FILIP1: variants seen among roughly 807,000 people sequenced by gnomAD.
The protein encoded by FILIP1 is filamin-A-interacting protein 1.
A neutral mutation model predicts 102.1 loss-of-function variants in FILIP1; 61 were observed. The ratio of observed to expected loss-of-function variants is 0.60; its 90% CI spans 0.49 to 0.74. The LOEUF is 0.74. FILIP1 is among the 30% of genes least tolerant of loss of function. The probability of loss-of-function intolerance (pLI) is 0.00; values close to 1 mark genes in which losing one functional copy is unlikely to be tolerated. For synonymous variants in FILIP1, 491 were observed against 526.9 expected, an observed-to-expected ratio of 0.93 and a Z score of 0.93; for missense variants, 1,314 against 1,441.2, an observed-to-expected ratio of 0.91 and a Z score of 1.43.
chr6:75,315,658 G>A (rs1773419653), intron 4 of FILIP1, among the ~76,000 whole-genome samples: 1 of 152,174 alleles, frequency 6.6e-6, no homozygotes, highest in Non-Finnish European at 1.5e-5. Context: ...TATGAGATAT[G>A]TATTGCTACT....
In FILIP1 at chr6:75,406,769, C is replaced by G. The variant is rs568221921; in HGVS notation, c.276+7928G>C. ...CCGCCTCCCAGGTTGAAGTGATTGT[C>G]CTGCCTCAGCCTCCTGAGTAGCTGG... On this transcript the variant is annotated intron_variant, in intron 2 of 5. Coordinates refer to ENST00000237172, the MANE Select transcript of FILIP1 (RefSeq NM_015687.5). Among the ~76,000 whole-genome samples, 3 of 150,468 alleles carry G rather than the reference C, an allele frequency of 2.0e-5. No individual in the cohort carries two copies. In the Admixed American group the frequency reaches 2.0e-4, roughly 10 times the overall value.
intron 1 of FILIP1, among the ~76,000 whole-genome samples, chr6:75,436,753 G>A (rs1309966470): frequency 6.6e-6 from 1 of 152,108 alleles, no homozygotes; most frequent in African/African-American, 2.4e-5. Context: ...AATGGACACT[G>A]GCAGAAATCC....
chr6:75,432,215 A>C (rs190489956), intron 1 of FILIP1, among the ~76,000 whole-genome samples: 1 of 152,366 alleles, frequency 6.6e-6, no homozygotes, highest in Admixed American at 6.5e-5. Context: ...AATCTTTGTC[A>C]CTTTAAAATT....
intron 1 of FILIP1, chr6:75,454,114 G>T: frequency 2.3e-6 from 1 of 430,756 alleles, no homozygotes. Flanking sequence ...GGTGTTTCAG[G>T]GATGCGTTCT....
intron 2 of FILIP1, among the ~76,000 whole-genome samples, chr6:75,372,434 AG>A (rs1301602765): frequency 6.6e-6 from 1 of 150,728 alleles, no homozygotes; most frequent in African/African-American, 2.4e-5. Flanking sequence ...ATGGCAAAAA[AG>A]AAAAAAAAAT....
chr6:75,330,218 A>T (rs1774027410), intron 4 of FILIP1, among the ~76,000 whole-genome samples: 1 of 152,178 alleles, frequency 6.6e-6, no homozygotes, highest in Non-Finnish European at 1.5e-5. Flanking sequence ...TAAATTTTGC[A>T]CCCAAGGTGA....
chr6:75,306,758 T>C (rs13220535), downstream of FILIP1, among the ~76,000 whole-genome samples: 1 of 150,328 alleles, frequency 6.7e-6, no homozygotes, highest in Non-Finnish European at 1.5e-5. Context: ...TTTTTTTTCC[T>C]TTTTTATTTT....
intron 3 of FILIP1, among the ~76,000 whole-genome samples, chr6:75,355,504 C>T (rs547239145): frequency 4.5e-4 from 68 of 151,226 alleles, no homozygotes; most frequent in African/African-American, 1.6e-3. Context: ...TGGGTTCAAG[C>T]GATTCTCCTG....
intron 1 of FILIP1, among the ~76,000 whole-genome samples, chr6:75,422,866 T>TAC (rs1160402603): frequency 7.9e-5 from 12 of 152,260 alleles, no homozygotes; most frequent in Admixed American, 2.6e-4. Context: ...TATTACTTGT[T>TAC]ATTTATTTTA....
intron 4 of FILIP1, among the ~76,000 whole-genome samples, chr6:75,331,460 C>T (rs192607072): frequency 3.8e-4 from 58 of 152,234 alleles, no homozygotes; most frequent in Non-Finnish European, 4.4e-4. Context: ...GTCTCCTCCC[C>T]GTTGTCAGTG....
rs1263895753 is a variant in FILIP1, at chr6:75,414,917, GGACAGGA to G, written c.49_55del (p.Ser17ProfsTer41). 6.2e-7 allele frequency: 1 copy of G among 1,613,556 alleles called. No homozygotes were observed. The highest frequency in any genetic ancestry group is 1.3e-5 in the African/African-American group (1 of 74,808). Reference sequence around the variant, plus strand: ...AGCATTGCCGATGATGGAGGGCTTGGGACAGGAGATATGCCCATCAGATGCACTTTCA... The same window carrying G: ...AGCATTGCCGATGATGGAGGGCTTGGGATATGCCCATCAGATGCACTTTCA... On this transcript the variant is annotated frameshift_variant, in exon 2 of 6. Transcript: ENST00000237172. LOFTEE classifies it high-confidence loss of function.
At chr6:75,485,390 A>T (rs969528195) in intron 1 of FILIP1, among the ~76,000 whole-genome samples, 3 of 152,302 alleles carry the variant, frequency 2.0e-5, no homozygotes, top group African/African-American at 7.2e-5. Flanking sequence ...GGGGTGTGCT[A>T]GTATAGTTGT....
At chr6:75,348,094 C>CACACACA (rs1328311122) in intron 4 of FILIP1, among the ~76,000 whole-genome samples, 1 of 151,758 alleles carries the variant, frequency 6.6e-6, no homozygotes, top group Non-Finnish European at 1.5e-5. Context: ...CACATACACA[C>CACACACA]ACTTTTCCCT....
intron 1 of FILIP1, among the ~76,000 whole-genome samples, chr6:75,491,004 C>T (rs937339446): frequency 3.3e-5 from 5 of 152,066 alleles, no homozygotes; most frequent in Admixed American, 2.6e-4. Flanking sequence ...TACGGCATTG[C>T]ACCTAATAGA....
intron 1 of FILIP1, among the ~76,000 whole-genome samples, chr6:75,490,694 G>A (rs1779932136): frequency 6.6e-6 from 1 of 151,588 alleles, no homozygotes; most frequent in African/African-American, 2.4e-5. Context: ...TACATACACA[G>A]TCCTGTCATA....
At chr6:75,397,907 T>C (rs1012899439) in intron 2 of FILIP1, 3 of 152,172 alleles carry the variant, frequency 2.0e-5, no homozygotes, top group Admixed American at 2.0e-4. Flanking sequence ...ACTGCTAAAA[T>C]TTGTGCACAT....
rs1202284397 is a variant in FILIP1 at position 75,308,151 on chromosome 6, C to T, written c.*540G>A. 8 of 986,220 alleles carry T rather than the reference C, an allele frequency of 8.1e-6. No homozygotes were observed. Among genetic ancestry groups the T allele is most frequent in the Non-Finnish European group, 8.4e-6 (7 of 830,366 alleles). The allele number at this position is 986,220 out of a possible 1,614,324, so 61.1% of individuals were successfully genotyped here. A position where few individuals can be genotyped will look rare whatever the true frequency, so the allele number is the denominator to read the frequency against. On this transcript the variant is annotated 3_prime_UTR_variant, in exon 6 of 6. Transcript: ENST00000237172. ...TTATTTCCTGAAATCATCTTAGAAC[C>T]TTTTGTTTTTGCAAAATTTTAGAGG...
chr6:75,349,150 G>T (rs1185805317), intron 4 of FILIP1, among the ~76,000 whole-genome samples: 1 of 152,202 alleles, frequency 6.6e-6, no homozygotes, highest in Non-Finnish European at 1.5e-5. Flanking sequence ...ACAATATTCA[G>T]AGCCTCAGAT....
chr6:75,434,250 A>G (rs1488382958), intron 1 of FILIP1, among the ~76,000 whole-genome samples: 1 of 152,130 alleles, frequency 6.6e-6, no homozygotes, highest in Non-Finnish European at 1.5e-5. Flanking sequence ...CTTGATGGGG[A>G]TGGCATAGGA....
Sources: gnomAD v4.1 joint callset for allele counts (sites outside exome capture counted in the v4.1 genomes callset) on GRCh38, gnomAD v4.1.1 for gene constraint, MANE v1.5 for transcripts, NCBI Gene and HGNC (gene_info 2026-07-23, HGNC 2026-07-21) for gene names.